AP3D1: variants seen among roughly 807,000 people sequenced by gnomAD.
AP3D1 encodes the protein adaptor related protein complex 3 subunit delta 1.
AP3D1 carries 51 observed loss-of-function variants against 147.6 expected under a neutral mutation model. The observed-to-expected ratio is 0.35, with a 90% CI of 0.28 to 0.44. The LOEUF (loss-of-function observed/expected upper bound fraction) is 0.44, where lower values mean the gene tolerates loss of function less well. Among genes scored for constraint, AP3D1 ranks in the 20% least tolerant of loss-of-function variants. The probability of loss-of-function intolerance (pLI) is 1.00; values close to 1 mark genes in which losing one functional copy is unlikely to be tolerated. For missense variants in AP3D1, 1,421 were observed against 1,624.2 expected, an observed-to-expected ratio of 0.87 and a Z score of 2.15; for synonymous variants, 760 against 663.0, an observed-to-expected ratio of 1.15 and a Z score of -2.25.
chr19:2,121,395 C>G (rs990939621), intron 12 of AP3D1, 84 bp from the exon 13 acceptor site: 130 of 1,512,764 alleles, frequency 8.6e-5, no homozygotes, highest in Non-Finnish European at 1.1e-4. Context: ...GCTCCTGAGA[C>G]AGAATCCACG....
At chr19:2,152,801 A>C (rs1293807074), upstream of AP3D1, among the ~76,000 whole-genome samples, 1 of 151,786 alleles carries the variant, frequency 6.6e-6, no homozygotes, top group East Asian at 1.9e-4. Context: ...TCTTGAACCC[A>C]GGAGGCAGAG....
In AP3D1 at chr19:2,115,290, G is replaced by A; in HGVS notation, c.2278C>T (p.Leu760=). The A allele has an allele frequency of 6.2e-7, 1 of 1,613,268 alleles. No individual in the cohort carries two copies. Among genetic ancestry groups the A allele is most frequent in the Non-Finnish European group, 8.5e-7 (1 of 1,179,980 alleles). Residue 760 remains leucine, a synonymous_variant, in exon 20 of 32, where the codon CTG becomes TTG. Transcript: ENST00000643116. ...EKKGKRRHSS[L]PTESDEDIAP... Reference sequence around the variant, plus strand: ...ATGTCCTCGTCGCTCTCCGTGGGCAGCGAGCTGTGGCGGCGCTTGCCCTTC... The same window carrying A: ...ATGTCCTCGTCGCTCTCCGTGGGCAACGAGCTGTGGCGGCGCTTGCCCTTC...
chr19:2,113,669 G>A (rs550099078), intron 22 of AP3D1, among the ~76,000 whole-genome samples: 250 of 152,358 alleles, frequency 1.6e-3, no homozygotes, highest in Non-Finnish European at 3.0e-3. Context: ...GTGGTCAGAA[G>A]GCCCGTGGCG....
chr19:2,131,502 C>T (rs74721567), intron 5 of AP3D1, among the ~76,000 whole-genome samples: 1,469 of 121,824 alleles, frequency 0.012, 99 homozygotes, highest in African/African-American at 0.048. Flanking sequence ...CAGGCAGCCA[C>T]GAGGGGACAG....
chr19:2,129,531 G>A (rs889946514), intron 6 of AP3D1, 74 bp from the exon 7 acceptor site: 58 of 1,525,184 alleles, frequency 3.8e-5, no homozygotes, highest in African/African-American at 1.7e-4. Flanking sequence ...TTCCTGGCCC[G>A]CGAGGAAGTT....
At chr19:2,148,146 C>CAAAAAAAAAAAAAAAGAAA (rs2019410121) in intron 1 of AP3D1, among the ~76,000 whole-genome samples, 1 of 98,152 alleles carries the variant, frequency 1.0e-5, no homozygotes, top group Non-Finnish European at 2.0e-5. Context: ...GACTCCGTCT[C>CAAAAAAAAAAAAAAAGAAA]AAAAAAAAAA....
intron 8 of AP3D1, among the ~76,000 whole-genome samples, chr19:2,128,425 G>A (rs1410784018): frequency 6.6e-6 from 1 of 151,058 alleles, no homozygotes; most frequent in Non-Finnish European, 1.5e-5. Context: ...ACTGGGGCCG[G>A]GCTTGCAGCC....
chr19:2,109,300 C>G (rs2018198730), intron 29 of AP3D1, 93 bp from the exon 30 acceptor site: 1 of 1,459,586 alleles, frequency 6.9e-7, no homozygotes, highest in Non-Finnish European at 9.1e-7. Flanking sequence ...ACACGCTGCG[C>G]TTGGACACCC....
At chr19:2,132,391 A>G in intron 5 of AP3D1, 80 bp downstream of exon 5, 1 of 1,347,818 alleles carries the variant, frequency 7.4e-7, no homozygotes, top group Non-Finnish European at 1.0e-6. Flanking sequence ...CCGCATAGCC[A>G]AGCTTCCCAG....
At chr19:2,109,677 G>C in intron 29 of AP3D1, 196 bp downstream of exon 29, 1 of 600,278 alleles carries the variant, frequency 1.7e-6, no homozygotes, top group South Asian at 1.9e-5. Context: ...ACGCTGCCTG[G>C]CCTGTGGCTT....
chr19:2,102,095 G>T lies in AP3D1; in HGVS notation c.*78C>A. On this transcript the variant is annotated 3_prime_UTR_variant, in exon 32 of 32. Coordinates refer to ENST00000643116, the MANE Select transcript of AP3D1 (RefSeq NM_001261826.3). Reference sequence around the variant, plus strand: ...AGGCTTGGGTACAGTACACACGACTGAGGAGAGGCGAGACACGTCAGGGCT... The same window carrying T: ...AGGCTTGGGTACAGTACACACGACTTAGGAGAGGCGAGACACGTCAGGGCT... The T allele has an allele frequency of 8.7e-7, 1 of 1,151,992 alleles. No individual in the cohort carries two copies. The highest frequency in any genetic ancestry group is 1.3e-5 in the South Asian group (1 of 79,928). The allele number at this position is 1,151,992 out of a possible 1,614,324, so 71.4% of individuals were successfully genotyped here. A position where few individuals can be genotyped will look rare whatever the true frequency, so the allele number is the denominator to read the frequency against.
In AP3D1 at chr19:2,149,387, A is replaced by C. The variant is rs761857661; in HGVS notation, c.96+1852T>G. Among the ~76,000 whole-genome samples, 52 of 152,214 alleles carry C rather than the reference A, an allele frequency of 3.4e-4. 1 individual carries two copies. Among genetic ancestry groups the C allele is most frequent in the Admixed American group, 3.4e-3 (52 of 15,280 alleles). On this transcript the variant is annotated intron_variant, in intron 1 of 31. Transcript: ENST00000643116. ...TGGTGAAACCCTGTCTCTACTAAAA[A>C]TACAAAATTAGCTGGGTGTGGTGGT...
chr19:2,153,968 G>T (rs1412086977), upstream of AP3D1, among the ~76,000 whole-genome samples: 1 of 84,932 alleles, frequency 1.2e-5, no homozygotes, highest in Admixed American at 1.2e-4. Context: ...TTTTTTTTGA[G>T]ACAGAGTCTC....
intron 8 of AP3D1, among the ~76,000 whole-genome samples, chr19:2,127,913 G>C (rs2018803575): frequency 6.6e-6 from 1 of 152,236 alleles, no homozygotes. Flanking sequence ...CTGCAGCGTA[G>C]GGCCGCAGCC....
At position 2,101,850 on chromosome 19, in the gene AP3D1, G is replaced by A. The variant is rs1287932049; in HGVS notation, c.*323C>T. On this transcript the variant is annotated 3_prime_UTR_variant, in exon 32 of 32. Transcript: ENST00000643116. Reference sequence around the variant, plus strand: ...TGGTGCCCATCAGGCCCTGGCCCAGGACAGGAGCCCCTGAAGCCACATTCA... The same window carrying A: ...TGGTGCCCATCAGGCCCTGGCCCAGAACAGGAGCCCCTGAAGCCACATTCA... The A allele has an allele frequency of 8.9e-6, 3 of 337,760 alleles. No homozygotes were observed. Among genetic ancestry groups the A allele is most frequent in the Non-Finnish European group, 1.7e-5 (3 of 181,276 alleles). The allele number at this position is 337,760 out of a possible 1,614,324, so 20.9% of individuals were successfully genotyped here.
At chr19:2,131,051 GCAGT>G (rs2018925184) in intron 5 of AP3D1, among the ~76,000 whole-genome samples, 1 of 152,264 alleles carries the variant, frequency 6.6e-6, no homozygotes, top group Admixed American at 6.5e-5. Context: ...GTGAAGGCCA[GCAGT>G]CAGTGTTTTC....
At chr19:2,131,190 C>G (rs1047889996) in intron 5 of AP3D1, among the ~76,000 whole-genome samples, 1 of 152,284 alleles carries the variant, frequency 6.6e-6, no homozygotes, top group Non-Finnish European at 1.5e-5. Flanking sequence ...TGTGCCGCAG[C>G]CTGCTGATCC....
intron 23 of AP3D1, 124 bp from the exon 24 acceptor site, chr19:2,113,091 G>A (rs1281901723): frequency 3.2e-5 from 22 of 695,652 alleles, no homozygotes; most frequent in Non-Finnish European, 4.8e-5. Context: ...AGGCCACAGT[G>A]CCCTCCGAGT....
intron 1 of AP3D1, among the ~76,000 whole-genome samples, chr19:2,143,148 C>T (rs1443826579): frequency 6.6e-6 from 1 of 151,710 alleles, no homozygotes; most frequent in Non-Finnish European, 1.5e-5. Context: ...ACTGCAAACT[C>T]CACCTCCCAG....
Sources: gnomAD v4.1 joint callset for allele counts (sites outside exome capture counted in the v4.1 genomes callset) on GRCh38, gnomAD v4.1.1 for gene constraint, MANE v1.5 for transcripts, NCBI Gene and HGNC (gene_info 2026-07-23, HGNC 2026-07-21) for gene names.